The following GLRA2 variants were observed in gnomAD, a reference collection of about 807,000 sequenced individuals.
GLRA2 encodes the protein glycine receptor subunit alpha-2.
GLRA2 carries 11 observed loss-of-function variants against 31.6 expected under a neutral mutation model. The ratio of observed to expected loss-of-function variants is 0.35; its 90% CI spans 0.22 to 0.58. GLRA2 has a LOEUF of 0.58. Ranked by LOEUF, GLRA2 falls within the 20% of genes least tolerant of loss-of-function variation. The pLI is 0.84. For missense variants in GLRA2, 212 were observed against 351.8 expected, an observed-to-expected ratio of 0.60 and a Z score of 3.18; for synonymous variants, 132 against 134.0, an observed-to-expected ratio of 0.99 and a Z score of 0.10.
At chrX:14,505,317 T>A in the GLRA2 span, among the ~76,000 whole-genome samples, 2 of 112,172 alleles carry the variant, frequency 1.8e-5, no homozygotes, top group Non-Finnish European at 1.9e-5. Flanking sequence ...ACTGGAGGCT[T>A]CCTGATAGGT....
the GLRA2 span, among the ~76,000 whole-genome samples, chrX:14,495,065 T>TTGAA: frequency 9.0e-6 from 1 of 111,680 alleles, no homozygotes; most frequent in Non-Finnish European, 1.9e-5. Context: ...GGACAAGTGA[T>TTGAA]TGAATGAATG....
At chrX:14,528,891 C>T (rs919883835), upstream of GLRA2, among the ~76,000 whole-genome samples, 1 of 111,750 alleles carries the variant, frequency 8.9e-6, no homozygotes, top group Non-Finnish European at 1.9e-5. Flanking sequence ...GATTTTGAGC[C>T]ACTGAAGAAA....
intron 8 of GLRA2, among the ~76,000 whole-genome samples, chrX:14,718,684 T>TTTA (rs2091824321): frequency 8.9e-6 from 1 of 112,042 alleles, no homozygotes; most frequent in Non-Finnish European, 1.9e-5. Flanking sequence ...AGACTAAGAC[T>TTTA]GCTCATCAGA....
Position 14,530,079 on chromosome X carries a change from A to G in GLRA2, c.22A>G (p.Ile8Val). The change falls in exon 1 of 9, where the codon ATT becomes GTT. Residue 8 changes from isoleucine (I) to valine (V), a missense_variant. By Grantham distance (29) the Ile-to-Val change is conservative. Coordinates refer to ENST00000218075, the MANE Select transcript of GLRA2 (RefSeq NM_002063.4). MNRQLVN[I>V]LTALFAFFLE... ...AGGAATGAACCGGCAGCTAGTGAAC[A>G]TTTTGACAGCCTTGTTTGCATTTTT... The G allele has an allele frequency of 8.3e-7, 1 of 1,203,683 alleles. No individual in the cohort carries two copies. Among genetic ancestry groups the G allele is most frequent in the South Asian group, 1.8e-5 (1 of 56,802 alleles).
At chrX:14,586,878 A>C (rs1038905459) in intron 4 of GLRA2, among the ~76,000 whole-genome samples, 1 of 112,007 alleles carries the variant, frequency 8.9e-6, no homozygotes, top group Admixed American at 9.5e-5. Flanking sequence ...ATTTAGTCAG[A>C]AATATGACTT....
chrX:14,555,159 A>G (rs1168385422), intron 2 of GLRA2, among the ~76,000 whole-genome samples: 1 of 112,170 alleles, frequency 8.9e-6, no homozygotes, highest in African/African-American at 3.2e-5. Context: ...CAGAGATACT[A>G]TGCTTGAGAA....
chrX:14,703,721 C>T (rs911156903), intron 8 of GLRA2, among the ~76,000 whole-genome samples: 1 of 111,749 alleles, frequency 8.9e-6, no homozygotes, highest in African/African-American at 3.3e-5. Flanking sequence ...GTGAATGCTA[C>T]AGGAGTGGCC....
chrX:14,553,548 T>G (rs1187424390), intron 2 of GLRA2, among the ~76,000 whole-genome samples: 1 of 111,419 alleles, frequency 9.0e-6, no homozygotes, highest in Non-Finnish European at 1.9e-5. Flanking sequence ...TTCAGTACAT[T>G]TTGGTATTCC....
the GLRA2 span, among the ~76,000 whole-genome samples, chrX:14,524,104 A>C: frequency 1.8e-5 from 2 of 112,227 alleles, no homozygotes; most frequent in Non-Finnish European, 3.8e-5. Context: ...GGATTACCAT[A>C]AATCTTCAGT....
chrX:14,463,331 A>G, the GLRA2 span, among the ~76,000 whole-genome samples: 1 of 111,450 alleles, frequency 9.0e-6, no homozygotes, highest in East Asian at 2.8e-4. Context: ...GAGGTAGTCT[A>G]TTCGTTATCA....
chrX:14,613,725 A>G (rs1390600396), intron 7 of GLRA2, among the ~76,000 whole-genome samples: 1 of 111,233 alleles, frequency 9.0e-6, no homozygotes, highest in Non-Finnish European at 1.9e-5. Context: ...GCACAAATAC[A>G]CGTGTGTGTT....
chrX:14,560,397 C>T (rs1462820818), intron 2 of GLRA2, among the ~76,000 whole-genome samples: 1 of 111,831 alleles, frequency 8.9e-6, no homozygotes, highest in Non-Finnish European at 1.9e-5. Flanking sequence ...CTTAAAAGGA[C>T]GCTGGGAAAT....
chrX:14,709,430 C>CAAGT (rs749988506), intron 8 of GLRA2, among the ~76,000 whole-genome samples: 239 of 112,128 alleles, frequency 2.1e-3, no homozygotes, highest in African/African-American at 7.4e-3. Context: ...GGCCTACAGA[C>CAAGT]AAGTTTTCTC....
chrX:14,666,937 C>G (rs2091043191), intron 7 of GLRA2, among the ~76,000 whole-genome samples: 2 of 112,229 alleles, frequency 1.8e-5, no homozygotes, highest in Non-Finnish European at 3.8e-5. Context: ...GCAAGTCAAT[C>G]ATCTATTCTC....
At chrX:14,520,150 T>A in the GLRA2 span, among the ~76,000 whole-genome samples, 1 of 112,223 alleles carries the variant, frequency 8.9e-6, no homozygotes, top group African/African-American at 3.2e-5. Flanking sequence ...GGGGGTTAGA[T>A]ACTCATGAAG....
the GLRA2 span, among the ~76,000 whole-genome samples, chrX:14,467,782 A>T: frequency 9.0e-6 from 1 of 110,913 alleles, no homozygotes. Context: ...TCCCCAGGTA[A>T]TGAGGAAAAA....
At chrX:14,499,863 AT>A in the GLRA2 span, among the ~76,000 whole-genome samples, 344 of 110,296 alleles carry the variant, frequency 3.1e-3, 2 homozygotes, top group African/African-American at 0.011. Context: ...GTAAAAATGG[AT>A]TTTTTTTTAA....
intron 7 of GLRA2, among the ~76,000 whole-genome samples, chrX:14,669,140 T>A (rs1224067688): frequency 8.9e-6 from 1 of 112,163 alleles, no homozygotes; most frequent in East Asian, 2.8e-4. Flanking sequence ...AGCAGGGCAG[T>A]CAAATCTTAA....
intron 2 of GLRA2, among the ~76,000 whole-genome samples, chrX:14,563,627 G>A (rs2089761906): frequency 9.0e-6 from 1 of 111,629 alleles, no homozygotes; most frequent in Admixed American, 9.5e-5. Context: ...TATCCCTGAG[G>A]AAGTTCAGAC....
Sources: allele counts gnomAD v4.1 joint callset (sites outside exome capture counted in the v4.1 genomes callset), GRCh38; gene constraint gnomAD v4.1.1; transcripts MANE v1.5; gene names NCBI Gene and HGNC (gene_info 2026-07-23, HGNC 2026-07-21).